CTNNA2: variants seen among roughly 807,000 people sequenced by gnomAD.
CTNNA2 encodes catenin alpha 2, also known as catenin alpha-2.
Under a neutral mutation model 101.0 loss-of-function variants are expected in CTNNA2, and 42 were observed. The observed-to-expected ratio is 0.42, with a 90% CI of 0.32 to 0.54. The LOEUF is 0.54. Among genes scored for constraint, CTNNA2 ranks in the 20% least tolerant of loss-of-function variants. The probability of loss-of-function intolerance (pLI) is 0.14; values close to 1 mark genes in which losing one functional copy is unlikely to be tolerated. For missense variants in CTNNA2, 871 were observed against 1,223.1 expected (o/e 0.71, Z 4.29); for synonymous variants, 450 against 456.4 (o/e 0.99, Z 0.18).
At chr2:80,451,688 A>C (rs1683518219) in intron 9 of CTNNA2, among the ~76,000 whole-genome samples, 1 of 152,178 alleles carries the variant, frequency 6.6e-6, no homozygotes, top group Admixed American at 6.5e-5. Context: ...ATCAGGCAAT[A>C]ATTCAAATAT....
At chr2:80,362,429 A>G (rs116700725) in intron 7 of CTNNA2, among the ~76,000 whole-genome samples, 1 of 152,128 alleles carries the variant, frequency 6.6e-6, no homozygotes, top group Non-Finnish European at 1.5e-5. Flanking sequence ...ACCCTTACAC[A>G]TCTTAGGAAG....
intron 15 of CTNNA2, among the ~76,000 whole-genome samples, chr2:80,591,160 G>T (rs1200387902): frequency 6.6e-6 from 1 of 152,092 alleles, no homozygotes; most frequent in Non-Finnish European, 1.5e-5. Context: ...GAGGGGTCTT[G>T]TTACATGGTG....
At chr2:79,539,906 T>C (rs1673304346) in intron 1 of CTNNA2, among the ~76,000 whole-genome samples, 1 of 152,166 alleles carries the variant, frequency 6.6e-6, no homozygotes, top group South Asian at 2.1e-4. Flanking sequence ...AAGGTCTTTC[T>C]GTGACTGCCC....
At chr2:79,492,879 T>C (rs1013515846) in intron 4 of CTNNA2, among the ~76,000 whole-genome samples, 9 of 152,182 alleles carry the variant, frequency 5.9e-5, no homozygotes, top group African/African-American at 2.2e-4. Flanking sequence ...AGTGGGATTA[T>C]TCCCAGAAAT....
At chr2:79,776,272 T>G (rs1673957743) in intron 3 of CTNNA2, among the ~76,000 whole-genome samples, 1 of 152,202 alleles carries the variant, frequency 6.6e-6, no homozygotes, top group African/African-American at 2.4e-5. Context: ...TTGGAATTTT[T>G]TTTTAAATAA....
chr2:80,186,511 G>C (rs900907387), intron 7 of CTNNA2, among the ~76,000 whole-genome samples: 1 of 152,174 alleles, frequency 6.6e-6, no homozygotes, highest in Non-Finnish European at 1.5e-5. Flanking sequence ...AGATTGTCAC[G>C]GCAGGTGGGG....
chr2:80,033,202 C>T, intron 7 of CTNNA2, among the ~76,000 whole-genome samples: 1 of 144,680 alleles, frequency 6.9e-6, no homozygotes, highest in Non-Finnish European at 1.5e-5. Flanking sequence ...AACAACAACA[C>T]AAAAACACAT....
chr2:79,943,061 A>T lies in CTNNA2; in HGVS notation c.1056+33264A>T, dbSNP rs529333026. On this transcript the variant is annotated intron_variant, in intron 7 of 18. Transcript: ENST00000402739. ...TTGAAACCCCATCTCTGCTAAAAAT[A>T]AAAAAATTAGCTGGGCATTGTGGCA... Among the ~76,000 whole-genome samples the T allele has an allele frequency of 9.3e-4, 137 of 147,920 alleles. 1 individual carries two copies. Among genetic ancestry groups the T allele is most frequent in the Middle Eastern group, 3.4e-3 (1 of 294 alleles).
chr2:79,746,424 T>G (rs1398495693), intron 3 of CTNNA2, among the ~76,000 whole-genome samples: 2 of 152,190 alleles, frequency 1.3e-5, no homozygotes. Context: ...CTATGCAGCA[T>G]TGTAGTTGAA....
At chr2:79,793,885 C>T (rs1416619542) in intron 3 of CTNNA2, among the ~76,000 whole-genome samples, 2 of 121,504 alleles carry the variant, frequency 1.6e-5, no homozygotes, top group African/African-American at 8.0e-5. Context: ...CACACACACT[C>T]ATGCACACAC....
intron 7 of CTNNA2, among the ~76,000 whole-genome samples, chr2:80,310,056 G>A (rs989931792): frequency 6.6e-6 from 1 of 151,942 alleles, no homozygotes; most frequent in African/African-American, 2.4e-5. Flanking sequence ...ATTAGCCCCA[G>A]GTAATTAAAT....
At chr2:80,040,972 C>T (rs1326951390) in intron 7 of CTNNA2, among the ~76,000 whole-genome samples, 5 of 152,022 alleles carry the variant, frequency 3.3e-5, no homozygotes, top group Admixed American at 1.3e-4. Context: ...GAGTGAATTA[C>T]AGTCAATCCA....
At chr2:79,610,871 TAAAAA>T (rs1229863609) in intron 1 of CTNNA2, among the ~76,000 whole-genome samples, 1 of 152,094 alleles carries the variant, frequency 6.6e-6, no homozygotes, top group Non-Finnish European at 1.5e-5. Flanking sequence ...ATAAAGTTGT[TAAAAA>T]TAAAGTAACA....
At chr2:80,169,267 A>G (rs1043363144) in intron 7 of CTNNA2, among the ~76,000 whole-genome samples, 9 of 152,176 alleles carry the variant, frequency 5.9e-5, no homozygotes, top group Non-Finnish European at 1.0e-4. Context: ...CTGGATGTCC[A>G]TAGTCATGAG....
At chr2:80,590,752 C>A (rs1373359480) in intron 15 of CTNNA2, among the ~76,000 whole-genome samples, 1 of 151,930 alleles carries the variant, frequency 6.6e-6, no homozygotes, top group Non-Finnish European at 1.5e-5. Flanking sequence ...ATGAAGGAGC[C>A]CTTTGAGACT....
intron 7 of CTNNA2, among the ~76,000 whole-genome samples, chr2:80,208,197 T>C (rs1362093785): frequency 1.3e-5 from 2 of 152,202 alleles, no homozygotes; most frequent in Non-Finnish European, 2.9e-5. Flanking sequence ...TCCACTCCAT[T>C]CTCAGCCAAG....
At chr2:79,417,987 G>A (rs1006769097) in intron 4 of CTNNA2, among the ~76,000 whole-genome samples, 1 of 152,092 alleles carries the variant, frequency 6.6e-6, no homozygotes, top group African/African-American at 2.4e-5. Flanking sequence ...CAAAGGCTCT[G>A]AGGTTAGGGG....
chr2:79,659,603 A>G (rs1425266632), intron 2 of CTNNA2, among the ~76,000 whole-genome samples: 2 of 152,070 alleles, frequency 1.3e-5, no homozygotes, highest in Admixed American at 6.6e-5. Context: ...ATATTTTCCC[A>G]TTTTTATTTA....
Position 80,545,160 on chromosome 2 carries a change from C to T in CTNNA2, c.1383+86C>T, listed in dbSNP as rs1691931699. ...TGCCCCTCCTTTTCCTTCTCTATTT[C>T]CTCTTGCTGAAAAAGGCTACTCATC... On this transcript the variant is annotated intron_variant, in intron 10 of 18. Coordinates refer to ENST00000402739, the MANE Select transcript of CTNNA2 (RefSeq NM_001282597.3). 7.8e-6 allele frequency: 10 copies of T among 1,289,494 alleles called. No homozygotes were observed. The South Asian group carries it at 9.5e-5, about 12-fold the overall frequency. The allele number at this position is 1,289,494 out of a possible 1,614,324, so 79.9% of individuals were successfully genotyped here.
Sources: gnomAD v4.1 joint callset for allele counts (sites outside exome capture counted in the v4.1 genomes callset) on GRCh38, gnomAD v4.1.1 for gene constraint, MANE v1.5 for transcripts, NCBI Gene and HGNC (gene_info 2026-07-23, HGNC 2026-07-21) for gene names.